The following HSPA14 variants were observed in gnomAD, a reference collection of about 807,000 sequenced individuals.
HSPA14 encodes heat shock protein family A (Hsp70) member 14, also known as heat shock 70 kDa protein 14.
In HSPA14, 37 loss-of-function variants were observed where a neutral mutation model predicts 65.5. That is an observed-to-expected ratio of 0.56 (90% CI 0.43 to 0.74). HSPA14 has a LOEUF of 0.74. HSPA14 is among the 30% of genes least tolerant of loss of function. The pLI, the probability that HSPA14 is intolerant of heterozygous loss-of-function variation, is 0.00. For missense variants in HSPA14, 564 were observed against 607.6 expected (o/e 0.93, Z 0.75); for synonymous variants, 203 against 214.2 (o/e 0.95, Z 0.46).
chr10:14,843,796 G>A, intron 3 of HSPA14: 1 of 1,536,360 alleles, frequency 6.5e-7, no homozygotes, highest in African/African-American at 1.4e-5. Context: ...TGTCATCGCA[G>A]TCAGACGTTT....
chr10:14,847,029 AT>A, intron 3 of HSPA14: 1 of 985,414 alleles, frequency 1.0e-6, no homozygotes, highest in Non-Finnish European at 1.2e-6. Context: ...CTTTGTGATG[AT>A]GTCTGTGGTC....
chr10:14,845,169 C>T (rs556078781), intron 3 of HSPA14: 227 of 985,276 alleles, frequency 2.3e-4, no homozygotes, highest in Non-Finnish European at 2.4e-4. Flanking sequence ...GCCACACTTC[C>T]GATTTACTCT....
Position 14,852,519 on chromosome 10 carries a change from C to G in HSPA14, c.722C>G (p.Ser241Cys). The stretch of plus-strand genomic sequence containing the variant: ...GAAACCTTAGCACAGTATCTAGCTT[C>G]TGAGTTCCAAAGGTGAGTGTTAATG... ...FTETLAQYLA[S>C]EFQRSFKHDV... The change falls in exon 8 of 14, where the codon TCT becomes TGT. Residue 241 changes from serine (S) to cysteine (C), a missense_variant. Ser to Cys is a moderately radical substitution (Grantham distance 112). Transcript: ENST00000378372. 1 of 1,612,216 alleles carries G rather than the reference C, an allele frequency of 6.2e-7. No individual in the cohort carries two copies. The highest frequency in any genetic ancestry group is 1.1e-5 in the South Asian group (1 of 90,724).
chr10:14,838,484 G>A (rs998603183), intron 1 of HSPA14, 25 bp downstream of exon 1: 1 of 1,583,220 alleles, frequency 6.3e-7, no homozygotes, highest in Non-Finnish European at 8.6e-7. Flanking sequence ...AGCTGGGCTA[G>A]GGCTTCATGA....
intron 13 of HSPA14, 116 bp downstream of exon 13, chr10:14,870,783 G>T: frequency 1.0e-6 from 1 of 998,090 alleles, no homozygotes; most frequent in South Asian, 2.0e-5. Context: ...AACCTACAGA[G>T]GTTTTTATCA....
At chr10:14,856,450 G>A (rs1213754313) in intron 10 of HSPA14, among the ~76,000 whole-genome samples, 1 of 152,108 alleles carries the variant, frequency 6.6e-6, no homozygotes, top group African/African-American at 2.4e-5. Context: ...AGTATACCAG[G>A]CTGCTTCCCG....
intron 3 of HSPA14, chr10:14,845,008 A>C (rs1042876913): frequency 2.0e-6 from 2 of 985,334 alleles, no homozygotes; most frequent in African/African-American, 3.5e-5. Context: ...GTGGAAGAGA[A>C]CAGCTTTGTT....
In HSPA14 at chr10:14,871,587, C is replaced by A; in HGVS notation, c.1511C>A (p.Ser504Tyr). The change falls in exon 14 of 14, where the codon TCT (serine) becomes TAT (tyrosine). Residue 504 changes from serine to tyrosine, a missense_variant. Ser to Tyr is a moderately radical substitution (Grantham distance 144). Transcript: ENST00000378372. Reference sequence around the variant, plus strand: ...GAAACTGGAAAATGTGAAGCAATCTCTATTGAGATAGCATCTTAGTGTTTT... The same window carrying A: ...GAAACTGGAAAATGTGAAGCAATCTATATTGAGATAGCATCTTAGTGTTTT... ...DQETGKCEAI[S>Y]IEIAS The A allele has an allele frequency of 1.3e-6, 2 of 1,580,188 alleles. No individual in the cohort carries two copies. The highest frequency in any genetic ancestry group is 1.7e-6 in the Non-Finnish European group (2 of 1,154,604).
At chr10:14,857,809 C>T (rs17156001) in intron 10 of HSPA14, among the ~76,000 whole-genome samples, 8,816 of 151,760 alleles carry the variant, frequency 0.058, 309 homozygotes, top group Middle Eastern at 0.11. Flanking sequence ...TTTAACTTGT[C>T]TATACTTTGA....
At chr10:14,865,579 G>A (rs1204391074) in intron 10 of HSPA14, among the ~76,000 whole-genome samples, 1 of 152,178 alleles carries the variant, frequency 6.6e-6, no homozygotes, top group Non-Finnish European at 1.5e-5. Flanking sequence ...GTTAAATAGG[G>A]AATCCTTTCC....
rs930718526 is a variant in HSPA14 at position 14,856,715 on chromosome 10, G to A, written c.993+772G>A. Among the ~76,000 whole-genome samples, 8 of 151,914 alleles carry A rather than the reference G, an allele frequency of 5.3e-5. No homozygotes were observed. In the East Asian group the frequency reaches 9.6e-4, roughly 18 times the overall value. ...TGTCTCTACAAAAAACAAAATTAGC[G>A]GGGTGTGATGATGTGCGTCTGTGGT... On this transcript the variant is annotated intron_variant, in intron 10 of 13. Transcript: ENST00000378372.
Position 14,867,290 on chromosome 10 carries a change from G to T in HSPA14, c.1201G>T (p.Val401Phe). 1 of 1,608,964 alleles carries T rather than the reference G, an allele frequency of 6.2e-7. No homozygotes were observed. The highest frequency in any genetic ancestry group is 1.1e-5 in the South Asian group (1 of 90,946). ...MIECSARDIL[V>F]KGVDESGASR... is the part of the protein sequence containing the mutation. ...AGAGTGTTCAGCCAGAGATATTTTA[G>T]TTAAGGTATGTTTAGCTTTTGTATA... Residue 401 changes from valine to phenylalanine, a missense_variant, in exon 11 of 14, where the codon GTT becomes TTT. Transcript: ENST00000378372.
chr10:14,848,869 C>T lies in HSPA14; in HGVS notation c.350C>T (p.Ala117Val). 6.4e-7 allele frequency: 1 copy of T among 1,564,124 alleles called. No individual in the cohort carries two copies. Among genetic ancestry groups the T allele is most frequent in the Non-Finnish European group, 8.8e-7 (1 of 1,139,558 alleles). The stretch of plus-strand genomic sequence containing the variant: ...AAATTTGTTAACCCAGAAGATGTTG[C>T]CAGACTGATATTTAGTAAAATGAAA... ...ETKFVNPEDV[A>V]RLIFSKMKET... The change falls in exon 5 of 14, where the codon GCC (alanine) becomes GTC (valine). Residue 117 changes from alanine to valine, a missense_variant. Physicochemically the swap from Ala to Val is moderately conservative, Grantham distance 64 (BLOSUM62 0). Transcript: ENST00000378372.
chr10:14,844,235 A>C (rs1834014258), intron 3 of HSPA14: 5 of 1,082,860 alleles, frequency 4.6e-6, no homozygotes, highest in Non-Finnish European at 5.8e-6. Context: ...TGCCCTGCCT[A>C]CCTCACAGGG....
At chr10:14,850,456 C>T (rs1464147440) in intron 6 of HSPA14, among the ~76,000 whole-genome samples, 2 of 152,170 alleles carry the variant, frequency 1.3e-5, no homozygotes, top group South Asian at 2.1e-4. Context: ...CTTATTTCTT[C>T]ACCTTAGATC....
chr10:14,853,033 G>A (rs1423366538), intron 8 of HSPA14, among the ~76,000 whole-genome samples: 1 of 151,592 alleles, frequency 6.6e-6, no homozygotes, highest in Admixed American at 6.6e-5. Flanking sequence ...AACCCTTTTG[G>A]ATGTTACAAA....
intron 10 of HSPA14, among the ~76,000 whole-genome samples, chr10:14,859,058 G>A (rs1330000306): frequency 6.6e-6 from 1 of 152,148 alleles, no homozygotes; most frequent in African/African-American, 2.4e-5. Context: ...TGGCCTGAGA[G>A]CAGAGAGCTT....
At chr10:14,847,773 C>A (rs79064976) in intron 3 of HSPA14, among the ~76,000 whole-genome samples, 9,408 of 152,248 alleles carry the variant, frequency 0.062, 438 homozygotes, top group South Asian at 0.21. Flanking sequence ...TGAAAGGATA[C>A]TAGTCTATTT....
At chr10:14,844,527 C>T (rs930107857) in intron 3 of HSPA14, 2 of 987,058 alleles carry the variant, frequency 2.0e-6, no homozygotes, top group African/African-American at 1.7e-5. Context: ...TAATCTCTTA[C>T]ATTTCCACTG....
Sources: gnomAD v4.1 joint callset for allele counts (sites outside exome capture counted in the v4.1 genomes callset) on GRCh38, gnomAD v4.1.1 for gene constraint, MANE v1.5 for transcripts, NCBI Gene and HGNC (gene_info 2026-07-23, HGNC 2026-07-21) for gene names.